Variants in TPTE observed in about 807,000 individuals in gnomAD.
TPTE encodes putative tyrosine-protein phosphatase TPTE.
In TPTE, 59 loss-of-function variants were observed where a neutral mutation model predicts 84.1. The observed-to-expected ratio is 0.70, with a 90% CI of 0.57 to 0.87. TPTE has a LOEUF of 0.87. Among genes scored for constraint, TPTE ranks in the 40% least tolerant of loss-of-function variants. TPTE has a pLI of 0.00. For missense variants in TPTE, 382 were observed against 659.6 expected (o/e 0.58, Z 4.61); for synonymous variants, 130 against 223.5 (o/e 0.58, Z 3.73).
At chr21:10,591,949 G>A (rs995730067) in intron 18 of TPTE, among the ~76,000 whole-genome samples, 1 of 152,306 alleles carries the variant, frequency 6.6e-6, no homozygotes, top group Non-Finnish European at 1.5e-5. Flanking sequence ...GATCTCTTGA[G>A]GTCAAGAGTT....
At chr21:10,560,002 C>T (rs2074764109) in intron 9 of TPTE, among the ~76,000 whole-genome samples, 1 of 152,392 alleles carries the variant, frequency 6.6e-6, no homozygotes, top group Middle Eastern at 3.4e-3. Context: ...AGCATTTCCA[C>T]TGTCCATCAG....
chr21:10,594,276 T>C (rs1245407308), intron 19 of TPTE, among the ~76,000 whole-genome samples: 395 of 151,770 alleles, frequency 2.6e-3, no homozygotes, highest in Non-Finnish European at 3.2e-3. Flanking sequence ...TCCCTTTCCC[T>C]TCTCAGCCTG....
chr21:10,528,370 C>T (rs469943), intron 3 of TPTE, among the ~76,000 whole-genome samples: 27,837 of 143,414 alleles, frequency 0.19, 53 homozygotes, highest in African/African-American at 0.44. Context: ...GAAATTCAGT[C>T]TCAGAATTAT....
chr21:10,535,591 C>T (rs1279855969), intron 3 of TPTE, among the ~76,000 whole-genome samples: 20 of 152,414 alleles, frequency 1.3e-4, no homozygotes, highest in African/African-American at 4.3e-4. Context: ...TAGTAGTATC[C>T]AATCCCTTAG....
rs148862984 is a variant in TPTE at position 10,603,575 on chromosome 21, A to G, written c.1463A>G (p.Tyr488Cys). Residue 488 changes from tyrosine (Y) to cysteine (C), a missense_variant, in exon 23 of 24, where the codon TAC becomes TGC. Physicochemically the swap from Tyr to Cys is radical, Grantham distance 194 (BLOSUM62 -2). This residue lies in a region of TPTE where 120 missense variants were observed against 79.1 expected (regional missense o/e 1.52). Coordinates refer to ENST00000618007, the MANE Select transcript of TPTE (RefSeq NM_199261.4). The part of the protein sequence containing the change: ...VQFFYSNLPT[Y>C]YDNCSFYFWL... ...TTTTCTTTTTAGAATCTTCCTACATACTATGACAATTGCTCATTTTACTTC... is the reference window on the plus strand; with the variant it reads ...TTTTCTTTTTAGAATCTTCCTACATGCTATGACAATTGCTCATTTTACTTC... The G allele has an allele frequency of 3.8e-5, 62 of 1,612,216 alleles. No individual in the cohort carries two copies. In the African/African-American group the frequency reaches 5.5e-4, roughly 14 times the overall value.
At position 10,537,317 on chromosome 21, in the gene TPTE, TG is replaced by T. The variant is rs2074283486; in HGVS notation, c.-43-1363del. Among the ~76,000 whole-genome samples, 7 of 152,418 alleles carry T rather than the reference TG, an allele frequency of 4.6e-5. No homozygotes were observed. The South Asian group carries it at 1.4e-3, about 32-fold the overall frequency. ...ACGATACATATATATATTTAAATTCTGTAGCACTGCCAAGTCTAAATTCAAA... is the reference window on the plus strand; with the variant it reads ...ACGATACATATATATATTTAAATTCTTAGCACTGCCAAGTCTAAATTCAAA... On this transcript the variant is annotated intron_variant, in intron 3 of 23. Coordinates refer to ENST00000618007, the MANE Select transcript of TPTE (RefSeq NM_199261.4).
At chr21:10,594,705 C>T (rs1373716230) in intron 19 of TPTE, among the ~76,000 whole-genome samples, 2 of 152,310 alleles carry the variant, frequency 1.3e-5, no homozygotes, top group African/African-American at 4.8e-5. Context: ...GTTTCCCTAA[C>T]TGTAGTCCAG....
rs755802756 is a variant in TPTE at position 10,581,736 on chromosome 21, T to TTTTTG, written c.1027+3142_1027+3146dup. On this transcript the variant is annotated intron_variant, in intron 17 of 23. Transcript: ENST00000618007. ...ATTTTGTTGTACAAAAGTTTGTAAA[T>TTTTTG]TTTTGTTTTGTTTTGAGACATGATC... Among the ~76,000 whole-genome samples the TTTTTG allele has an allele frequency of 3.9e-5, 6 of 152,416 alleles. No homozygotes were observed. In the East Asian group the frequency reaches 9.6e-4, roughly 25 times the overall value.
At chr21:10,530,211 C>T (rs1345127715) in intron 3 of TPTE, among the ~76,000 whole-genome samples, 3 of 152,312 alleles carry the variant, frequency 2.0e-5, no homozygotes, top group African/African-American at 7.2e-5. Context: ...AACCTCATGC[C>T]CTTTAGAAAC....
chr21:10,565,280 C>T (rs2074898064), intron 10 of TPTE, among the ~76,000 whole-genome samples: 2 of 152,302 alleles, frequency 1.3e-5, no homozygotes, highest in Non-Finnish European at 2.9e-5. Context: ...GATTAAATAC[C>T]TAGAAATTAA....
intron 4 of TPTE, among the ~76,000 whole-genome samples, 179 bp downstream of exon 4, chr21:10,538,913 A>G (rs2074316996): frequency 6.6e-6 from 1 of 152,306 alleles, no homozygotes; most frequent in Non-Finnish European, 1.5e-5. Context: ...TACAACAAGG[A>G]GACAGACGGC....
At chr21:10,535,937 G>T (rs2074258242) in intron 3 of TPTE, among the ~76,000 whole-genome samples, 1 of 152,310 alleles carries the variant, frequency 6.6e-6, no homozygotes, top group African/African-American at 2.4e-5. Flanking sequence ...CAAGAATTTA[G>T]ATGGGGTAAG....
intron 19 of TPTE, among the ~76,000 whole-genome samples, chr21:10,594,247 C>T (rs2075539389): frequency 6.6e-6 from 1 of 152,312 alleles, no homozygotes; most frequent in Non-Finnish European, 1.5e-5. Context: ...TGCCATTGCT[C>T]ATGCCCCTTT....
rs767633388 is a variant in TPTE at position 10,603,608 on chromosome 21, A to C, written c.1496A>C (p.His499Pro). The part of the protein sequence containing the change: ...YDNCSFYFWL[H>P]TSFIENNRLY... ...AATTGCTCATTTTACTTCTGGTTGC[A>C]CACATCTTTTATTGAAAATAACAGG... Residue 499 changes from histidine (H) to proline (P), a missense_variant, in exon 23 of 24, where the codon CAC (histidine) becomes CCC (proline). This residue lies in a region of TPTE where 120 missense variants were observed against 79.1 expected (regional missense o/e 1.52). Coordinates refer to ENST00000618007, the MANE Select transcript of TPTE (RefSeq NM_199261.4). 3.1e-6 allele frequency: 5 copies of C among 1,612,462 alleles called. No homozygotes were observed. Among genetic ancestry groups the C allele is most frequent in the Non-Finnish European group, 4.2e-6 (5 of 1,178,780 alleles).
intron 21 of TPTE, among the ~76,000 whole-genome samples, chr21:10,599,015 C>T (rs1600986207): frequency 6.6e-6 from 1 of 152,308 alleles, no homozygotes; most frequent in East Asian, 1.9e-4. Flanking sequence ...CATAACAACT[C>T]ATAACAGCCA....
At chr21:10,532,841 T>A (rs1244979957) in intron 3 of TPTE, among the ~76,000 whole-genome samples, 2 of 152,308 alleles carry the variant, frequency 1.3e-5, no homozygotes, top group Non-Finnish European at 2.9e-5. Context: ...ATGATATTGA[T>A]CCTGTGGACT....
intron 8 of TPTE, among the ~76,000 whole-genome samples, chr21:10,555,990 A>G (rs568191329): frequency 3.3e-4 from 50 of 152,394 alleles, no homozygotes; most frequent in African/African-American, 5.0e-4. Context: ...TCATGATTTT[A>G]TATTATTTAT....
At chr21:10,549,243 C>T (rs867909979) in intron 7 of TPTE, among the ~76,000 whole-genome samples, 3 of 152,298 alleles carry the variant, frequency 2.0e-5, no homozygotes, top group Non-Finnish European at 4.4e-5. Context: ...CAATTTTACT[C>T]CATAAAATTG....
intron 1 of TPTE, among the ~76,000 whole-genome samples, chr21:10,522,315 G>C (rs1600842573): frequency 6.6e-6 from 1 of 152,406 alleles, no homozygotes; most frequent in East Asian, 1.9e-4. Context: ...AAGGGCTTGG[G>C]GTGCGGGGTT....
Sources: gnomAD v4.1 joint callset for allele counts (sites outside exome capture counted in the v4.1 genomes callset) on GRCh38, gnomAD v4.1.1 for gene constraint, gnomAD v4.1.1 regional missense constraint, MANE v1.5 for transcripts, NCBI Gene and HGNC (gene_info 2026-07-23, HGNC 2026-07-21) for gene names.